HSPA12A: variants seen among roughly 807,000 people sequenced by gnomAD.
HSPA12A encodes the protein heat shock protein family A (Hsp70) member 12A.
HSPA12A carries 28 observed loss-of-function variants against 69.2 expected under a neutral mutation model. The observed-to-expected ratio is 0.40, with a 90% CI of 0.30 to 0.55. The LOEUF (loss-of-function observed/expected upper bound fraction) is 0.55, where lower values mean the gene tolerates loss of function less well. Ranked by LOEUF, HSPA12A falls within the 20% of genes least tolerant of loss-of-function variation. The pLI, the probability that HSPA12A is intolerant of heterozygous loss-of-function variation, is 0.38. For synonymous variants in HSPA12A, 345 were observed against 370.5 expected (o/e 0.93, Z 0.79); for missense variants, 686 against 900.7 (o/e 0.76, Z 3.05).
chr10:116,742,492 A>AG lies in HSPA12A; in HGVS notation c.-24dup. On this transcript the variant is annotated 5_prime_UTR_variant, in exon 1 of 12. Transcript: ENST00000369209. ...CATGGTCGCGCAGCCCCGGACCGCG[A>AG]GGGGAGCCTCCAGCGCAGCGCCCGT... The AG allele has an allele frequency of 1.5e-6, 2 of 1,332,138 alleles. No individual in the cohort carries two copies. The highest frequency in any genetic ancestry group is 9.6e-7 in the Non-Finnish European group (1 of 1,039,842). 82.5% of individuals were successfully genotyped at this position (1,332,138 alleles called of 1,614,324 possible).
chr10:116,721,877 T>C (rs1188980545), intron 1 of HSPA12A, among the ~76,000 whole-genome samples: 3 of 152,240 alleles, frequency 2.0e-5, no homozygotes, highest in Non-Finnish European at 4.4e-5. Context: ...GTACATGTTA[T>C]GAAAGAATGA....
chr10:116,800,701 T>C (rs769368583), intron 2 of HSPA12A, among the ~76,000 whole-genome samples: 2 of 152,344 alleles, frequency 1.3e-5, no homozygotes, highest in South Asian at 4.1e-4. Flanking sequence ...GCTTGGTACC[T>C]TGTCCCACAG....
In HSPA12A at chr10:116,673,684, T is replaced by A. The variant is rs1346263899; in HGVS notation, c.*1097A>T. On this transcript the variant is annotated 3_prime_UTR_variant, in exon 12 of 12. Coordinates refer to ENST00000369209, the MANE Select transcript of HSPA12A (RefSeq NM_025015.3). ...AAAAAAACTGACTTAATACATCAAG[T>A]ATAGATCTACAAATTATTTTTAGAG... is the stretch of plus-strand genomic sequence containing the variant. 1.3e-5 allele frequency: 2 copies of A among 152,102 alleles called. No individual in the cohort carries two copies. Among genetic ancestry groups the A allele is most frequent in the Non-Finnish European group, 2.9e-5 (2 of 68,018 alleles). The allele number at this position is 152,102 out of a possible 1,614,324, so 9.4% of individuals were successfully genotyped here.
intron 7 of HSPA12A, 55 bp downstream of exon 7, chr10:116,683,736 A>ACCTCTTC: frequency 7.0e-7 from 1 of 1,438,312 alleles, no homozygotes. Flanking sequence ...GGAGAGAGAC[A>ACCTCTTC]TCCAGGGCTT....
intron 2 of HSPA12A, among the ~76,000 whole-genome samples, chr10:116,764,763 A>G (rs1844042464): frequency 6.6e-6 from 1 of 152,238 alleles, no homozygotes; most frequent in Admixed American, 6.5e-5. Flanking sequence ...TATATTTGAC[A>G]TAAATAGAAA....
At chr10:116,834,260 T>C (rs1845670972) in intron 2 of HSPA12A, among the ~76,000 whole-genome samples, 1 of 152,190 alleles carries the variant, frequency 6.6e-6, no homozygotes, top group Non-Finnish European at 1.5e-5. Flanking sequence ...GAAATGACAC[T>C]TCTACAACTG....
intron 3 of HSPA12A, 92 bp downstream of exon 3, chr10:116,705,059 T>A: frequency 6.7e-7 from 1 of 1,498,308 alleles, no homozygotes; most frequent in Non-Finnish European, 9.1e-7. Flanking sequence ...AGGGCCGTCT[T>A]CGTAAGTGCC....
At chr10:116,702,323 G>A (rs534718026) in intron 3 of HSPA12A, among the ~76,000 whole-genome samples, 6 of 152,172 alleles carry the variant, frequency 3.9e-5, no homozygotes, top group Admixed American at 2.0e-4. Context: ...CAGCCCGTGC[G>A]CCCTCAGGTG....
chr10:116,814,229 T>C (rs901598147), intron 2 of HSPA12A, among the ~76,000 whole-genome samples: 8 of 152,202 alleles, frequency 5.3e-5, no homozygotes, highest in African/African-American at 1.4e-4. Context: ...AAAAGATCAC[T>C]GAATCAATAG....
At chr10:116,722,721 A>G (rs1325373723) in intron 1 of HSPA12A, among the ~76,000 whole-genome samples, 1 of 152,184 alleles carries the variant, frequency 6.6e-6, no homozygotes, top group Admixed American at 6.5e-5. Context: ...CAACTATGAG[A>G]TCTCAGGCCA....
intron 1 of HSPA12A, among the ~76,000 whole-genome samples, chr10:116,732,799 C>T (rs1384403693): frequency 1.3e-5 from 2 of 152,160 alleles, no homozygotes; most frequent in Non-Finnish European, 2.9e-5. Flanking sequence ...CTCTGAGTGA[C>T]CGGGAGTGGC....
intron 2 of HSPA12A, chr10:116,834,850 C>G: frequency 4.3e-6 from 3 of 695,706 alleles, no homozygotes; most frequent in Non-Finnish European, 5.9e-6. Context: ...TTAAACATAC[C>G]TAGTCCCTCT....
intron 1 of HSPA12A, among the ~76,000 whole-genome samples, chr10:116,733,907 G>A (rs1442496043): frequency 6.6e-6 from 1 of 152,142 alleles, no homozygotes; most frequent in Non-Finnish European, 1.5e-5. Flanking sequence ...TGTAAGTCAA[G>A]GAGCATCTGT....
chr10:116,785,227 G>C (rs1554892214), intron 2 of HSPA12A, among the ~76,000 whole-genome samples: 1 of 146,478 alleles, frequency 6.8e-6, no homozygotes, highest in Non-Finnish European at 1.5e-5. Context: ...TCATTCAAAT[G>C]TCCAAAGCCT....
intron 2 of HSPA12A, among the ~76,000 whole-genome samples, chr10:116,834,398 T>A (rs2133213920): frequency 6.6e-6 from 1 of 152,282 alleles, no homozygotes; most frequent in Admixed American, 6.5e-5. Context: ...CCTTTCTCAG[T>A]CTTTCTCTTT....
At chr10:116,742,346 G>T (rs1268895499) in intron 1 of HSPA12A, 84 bp downstream of exon 1, 2 of 1,311,826 alleles carry the variant, frequency 1.5e-6, no homozygotes, top group Admixed American at 3.6e-5. Context: ...CGGCGCGCGA[G>T]GGGGTGCGGA....
At chr10:116,792,442 C>A (rs1463026695) in intron 2 of HSPA12A, among the ~76,000 whole-genome samples, 1 of 151,526 alleles carries the variant, frequency 6.6e-6, no homozygotes, top group Non-Finnish European at 1.5e-5. Context: ...TAACTATCAA[C>A]CCCTGGATTC....
At chr10:116,738,238 G>A (rs1199176578) in intron 1 of HSPA12A, among the ~76,000 whole-genome samples, 1 of 152,184 alleles carries the variant, frequency 6.6e-6, no homozygotes, top group Non-Finnish European at 1.5e-5. Context: ...CCACTCCTGA[G>A]CATCCACATT....
intron 1 of HSPA12A, among the ~76,000 whole-genome samples, chr10:116,724,185 G>A (rs1850874201): frequency 6.6e-6 from 1 of 152,200 alleles, no homozygotes; most frequent in African/African-American, 2.4e-5. Flanking sequence ...ACAAGGGAGT[G>A]TCACAGATAT....
Sources: allele counts gnomAD v4.1 joint callset (sites outside exome capture counted in the v4.1 genomes callset), GRCh38; gene constraint gnomAD v4.1.1; transcripts MANE v1.5; gene names NCBI Gene and HGNC (gene_info 2026-07-23, HGNC 2026-07-21).